The following CDKL5 variants were observed in gnomAD, a reference collection of about 807,000 sequenced individuals.
The protein encoded by CDKL5 is cyclin dependent kinase like 5, also known as cyclin-dependent kinase-like 5.
Under a neutral mutation model 61.7 loss-of-function variants are expected in CDKL5, and 8 were observed. The ratio of observed to expected loss-of-function variants is 0.13; its 90% CI spans 0.08 to 0.23. The LOEUF (loss-of-function observed/expected upper bound fraction) is 0.23. CDKL5 is among the 10% of genes least tolerant of loss of function. The probability of loss-of-function intolerance (pLI) is 1.00; values close to 1 mark genes in which losing one functional copy is unlikely to be tolerated. For missense variants in CDKL5, 440 were observed against 734.5 expected (o/e 0.60, Z 4.63); for synonymous variants, 275 against 272.3 (o/e 1.01, Z -0.10).
At chrX:18,439,045 G>GGCCCCCCCCCCC (rs757823393) in intron 1 of CDKL5, among the ~76,000 whole-genome samples, 1 of 37,487 alleles carries the variant, frequency 2.7e-5, no homozygotes, top group African/African-American at 1.1e-4. Context: ...GCCCCTTTTT[G>GGCCCCCCCCCCC]CCCCCCCCCC....
intron 12 of CDKL5, among the ~76,000 whole-genome samples, chrX:18,607,728 GCA>G (rs1326363717): frequency 8.9e-6 from 1 of 111,931 alleles, no homozygotes; most frequent in Non-Finnish European, 1.9e-5. Flanking sequence ...ACCTTGAAAA[GCA>G]CAGAGACTCT....
intron 1 of CDKL5, among the ~76,000 whole-genome samples, chrX:18,471,797 T>G (rs1489783487): frequency 8.9e-6 from 1 of 111,897 alleles, no homozygotes; most frequent in Non-Finnish European, 1.9e-5. Flanking sequence ...TGGAGTGCAG[T>G]GGCATGACCT....
At position 18,604,167 on chromosome X, in the gene CDKL5, A is replaced by G. The variant is rs772931688; in HGVS notation, c.1243A>G (p.Thr415Ala). Residue 415 changes from threonine (T) to alanine (A), a missense_variant, in exon 12 of 18, where the codon ACA (threonine) becomes GCA (alanine). Physicochemically the swap from Thr to Ala is moderately conservative, Grantham distance 58. This residue lies in a region of CDKL5 where 363 missense variants were observed against 516.3 expected (regional missense o/e 0.70). Transcript: ENST00000623535. Reference protein sequence around the residue: ...LLSPKEAKSKTEFDFNIDPKP... With the variant: ...LLSPKEAKSKAEFDFNIDPKP... ...TAGCCCAAAAGAAGCCAAGTCAAAA[A>G]CAGAGTTTGATTTTAATATTGACCC... 2.5e-6 allele frequency: 3 copies of G among 1,211,389 alleles called. No homozygotes were observed. The highest frequency in any genetic ancestry group is 2.2e-6 in the Non-Finnish European group (2 of 895,357).
Position 18,628,653 on chromosome X carries a change from T to A in CDKL5, c.2779T>A (p.Ser927Thr), listed in dbSNP as rs781761818. Residue 927 changes from serine to threonine, a missense_variant, in exon 18 of 18, where the codon TCT becomes ACT. Transcript: ENST00000623535. ...TRSATEGPSY[S>T]EQLGAKSGPN... is the part of the protein sequence containing the mutation. ...GAGTGCCACAGAGGGCCCTTCCTACTCTGAACAGCTGGGTGCCAAAAGTGG... is the reference window on the plus strand; with the variant it reads ...GAGTGCCACAGAGGGCCCTTCCTACACTGAACAGCTGGGTGCCAAAAGTGG... 2.2e-5 allele frequency: 27 copies of A among 1,206,076 alleles called. No homozygotes were observed. The highest frequency in any genetic ancestry group is 2.3e-4 in the Middle Eastern group (1 of 4,359).
In CDKL5 at chrX:18,518,385, C is replaced by CTTT. The variant is rs1195931109; in HGVS notation, c.99+7533_99+7534insTTT. ...ATAAAGTCATGTTTTCTTTTCTTTT[C>CTTT]TTATTTTTTTTTTTTTTTTTTTTTT... On this transcript the variant is annotated intron_variant, in intron 3 of 17. Transcript: ENST00000623535. Among the ~76,000 whole-genome samples the CTTT allele has an allele frequency of 1.8e-3, 41 of 22,786 alleles. 1 individual carries two copies. Among genetic ancestry groups the CTTT allele is most frequent in the African/African-American group, 5.9e-3 (39 of 6,583 alleles). The allele number at this position is 22,786 out of a possible 115,157, so 19.8% of individuals were successfully genotyped here.
intron 3 of CDKL5, among the ~76,000 whole-genome samples, chrX:18,543,490 T>C (rs1217576456): frequency 9.0e-6 from 1 of 110,592 alleles, no homozygotes; most frequent in Non-Finnish European, 1.9e-5. Flanking sequence ...ATTTTTAGTC[T>C]TAAGGAAGAG....
At chrX:18,446,782 C>T (rs1931890392) in intron 1 of CDKL5, among the ~76,000 whole-genome samples, 1 of 111,977 alleles carries the variant, frequency 8.9e-6, no homozygotes, top group Non-Finnish European at 1.9e-5. Context: ...CTAAATATCA[C>T]CACTCATACT....
chrX:18,449,407 ACAT>A (rs764643091), intron 1 of CDKL5, among the ~76,000 whole-genome samples: 4 of 112,176 alleles, frequency 3.6e-5, no homozygotes, highest in African/African-American at 6.5e-5. Flanking sequence ...TCTATTGCAG[ACAT>A]CATGGCCGAG....
chrX:18,653,345 C>A, intron 21 of CDKL5: 1 of 1,170,184 alleles, frequency 8.5e-7, no homozygotes, highest in Admixed American at 2.5e-5. Context: ...CCTTCTGCTC[C>A]GTGGGGGGCC....
At chrX:18,653,565 G>C in exon 22 of CDKL5, 1 of 1,206,203 alleles carries the variant, frequency 8.3e-7, no homozygotes. Flanking sequence ...CCTGCGGCTG[G>C]TCCCAATGCC....
In CDKL5 at chrX:18,653,173, C is replaced by G. The variant is rs751495739; in HGVS notation, c.2981-259C>G. ...ATAGAAAATCTAGAATCAAAAGGAA[C>G]CATTAGCAAACCAGTAGATTTCTTA... On this transcript the variant is annotated intron_variant, in intron 21 of 21. Coordinates refer to the CDKL5 transcript ENST00000379989. Among the ~76,000 whole-genome samples the G allele has an allele frequency of 8.1e-4, 91 of 112,419 alleles. No individual in the cohort carries two copies. In the Admixed American group the frequency reaches 8.6e-3, roughly 11 times the overall value.
chrX:18,535,278 A>C (rs905176774), intron 3 of CDKL5: 1 of 116,732 alleles, frequency 8.6e-6, no homozygotes, highest in African/African-American at 3.2e-5. Flanking sequence ...AGTCTTTGCC[A>C]ATCTCCCATG....
At chrX:18,487,717 A>T (rs1229379238) in intron 1 of CDKL5, among the ~76,000 whole-genome samples, 1 of 112,737 alleles carries the variant, frequency 8.9e-6, no homozygotes, top group Admixed American at 9.3e-5. Flanking sequence ...GGAGTTCAAG[A>T]CCAGCCTGGC....
At chrX:18,644,277 AAG>A (rs1457854545), downstream of CDKL5, among the ~76,000 whole-genome samples, 3 of 111,948 alleles carry the variant, frequency 2.7e-5, no homozygotes, top group Non-Finnish European at 5.6e-5. Context: ...AAGCCCAGGA[AAG>A]AGAGCACAGC....
In CDKL5 at chrX:18,633,026, T is replaced by A; in HGVS notation, c.*4269T>A. 1 of 754,281 alleles carries A rather than the reference T, an allele frequency of 1.3e-6. No homozygotes were observed. The highest frequency in any genetic ancestry group is 1.6e-6 in the Non-Finnish European group (1 of 639,141). The allele number at this position is 754,281 out of a possible 1,213,427, so 62.2% of individuals were successfully genotyped here. On this transcript the variant is annotated 3_prime_UTR_variant, in exon 18 of 18. Transcript: ENST00000623535. ...TGGGACCTGGTGGTGACTGAACTCT[T>A]TCAGCAAGGGCAATGGCTCAATGTG...
At chrX:18,628,243 G>A (rs1361167743) in intron 17 of CDKL5, 128 bp from the exon 18 acceptor site, 4 of 629,294 alleles carry the variant, frequency 6.4e-6, no homozygotes, top group Admixed American at 4.5e-5. Context: ...TGGCTGGACC[G>A]GCTCCTCCTT....
intron 21 of CDKL5, among the ~76,000 whole-genome samples, chrX:18,651,258 T>TGA (rs1203890269): frequency 3.4e-4 from 33 of 97,199 alleles, no homozygotes; most frequent in Admixed American, 1.2e-3. Context: ...TGTGTGTGTG[T>TGA]GTGTGTGAGA....
intron 21 of CDKL5, among the ~76,000 whole-genome samples, chrX:18,652,113 C>G (rs1928074433): frequency 9.0e-6 from 1 of 111,249 alleles, no homozygotes; most frequent in Non-Finnish European, 1.9e-5. Context: ...TCCCCATTCT[C>G]CCCCTAGCTG....
chrX:18,601,226 T>C (rs903067532), intron 11 of CDKL5, among the ~76,000 whole-genome samples: 1 of 111,857 alleles, frequency 8.9e-6, no homozygotes, highest in Admixed American at 9.4e-5. Flanking sequence ...TCCCTCAGGC[T>C]CTCCTGAGGT....
Sources: gnomAD v4.1 joint callset for allele counts (sites outside exome capture counted in the v4.1 genomes callset) on GRCh38, gnomAD v4.1.1 for gene constraint, gnomAD v4.1.1 regional missense constraint, MANE v1.5 for transcripts, NCBI Gene and HGNC (gene_info 2026-07-23, HGNC 2026-07-21) for gene names.